PARK7: variants seen among roughly 807,000 people sequenced by gnomAD.
PARK7 encodes the protein Parkinson disease protein 7.
Under a neutral mutation model 20.5 loss-of-function variants are expected in PARK7, and 14 were observed. The ratio of observed to expected loss-of-function variants is 0.68; its 90% CI spans 0.45 to 1.07. The LOEUF (loss-of-function observed/expected upper bound fraction) is 1.07. Among genes scored for constraint, PARK7 ranks in the 50% least tolerant of loss-of-function variants. The pLI is 0.00. For synonymous variants in PARK7, 98 were observed against 84.3 expected, an observed-to-expected ratio of 1.16 and a Z score of -0.89; for missense variants, 234 against 238.1, an observed-to-expected ratio of 0.98 and a Z score of 0.11.
At chr1:7,974,946 C>T (rs1393622852) in intron 5 of PARK7, among the ~76,000 whole-genome samples, 1 of 151,264 alleles carries the variant, frequency 6.6e-6, no homozygotes, top group East Asian at 2.0e-4. Context: ...ACCTCCACCT[C>T]CCAGGTTCAA....
chr1:7,982,670 A>T (rs918178526), intron 6 of PARK7, among the ~76,000 whole-genome samples: 6 of 152,142 alleles, frequency 3.9e-5, no homozygotes, highest in Admixed American at 3.3e-4. Context: ...TGTGCATCTC[A>T]CTGTCGCTCT....
At chr1:7,969,115 C>G in intron 3 of PARK7, 1 of 502,006 alleles carries the variant, frequency 2.0e-6, no homozygotes, top group South Asian at 2.5e-5. Flanking sequence ...TGCTACTCTG[C>G]AGCGTGGACA....
intron 5 of PARK7, among the ~76,000 whole-genome samples, chr1:7,977,450 T>C (rs1166714006): frequency 6.6e-6 from 1 of 152,198 alleles, no homozygotes; most frequent in African/African-American, 2.4e-5. Flanking sequence ...AATACTTTGC[T>C]GTTGCAGTTT....
intron 1 of PARK7, among the ~76,000 whole-genome samples, chr1:7,962,280 G>A (rs1449679359): frequency 6.6e-6 from 1 of 152,038 alleles, no homozygotes; most frequent in Non-Finnish European, 1.5e-5. Context: ...CAATTTTTTA[G>A]TACAGTTATA....
At chr1:7,982,178 G>A (rs1164022964) in intron 6 of PARK7, among the ~76,000 whole-genome samples, 1 of 150,174 alleles carries the variant, frequency 6.7e-6, no homozygotes, top group East Asian at 1.9e-4. Flanking sequence ...GTAGAGGCGG[G>A]GTTTCACCAT....
At chr1:7,981,909 C>T (rs1161337752) in intron 6 of PARK7, among the ~76,000 whole-genome samples, 5 of 150,226 alleles carry the variant, frequency 3.3e-5, no homozygotes, top group Admixed American at 1.3e-4. Flanking sequence ...CTGCCCTCCT[C>T]GGCTTCCCCA....
chr1:7,985,218 C>A lies in PARK7; in HGVS notation c.*164C>A. Reference sequence around the variant, plus strand: ...CACAACTACACAGAGATTTCTCAGCCTACAAATTGTGTCTATACATTTCTA... The same window carrying A: ...CACAACTACACAGAGATTTCTCAGCATACAAATTGTGTCTATACATTTCTA... On this transcript the variant is annotated 3_prime_UTR_variant, in exon 7 of 7. Coordinates refer to ENST00000338639, the MANE Select transcript of PARK7 (RefSeq NM_007262.5). 1 of 938,444 alleles carries A rather than the reference C, an allele frequency of 1.1e-6. No individual in the cohort carries two copies. The highest frequency in any genetic ancestry group is 1.6e-6 in the Non-Finnish European group (1 of 611,874). 58.1% of individuals were successfully genotyped at this position (938,444 alleles called of 1,614,324 possible).
Position 7,984,869 on chromosome 1 carries a change from C to A in PARK7, c.410-25C>A. The A allele has an allele frequency of 6.2e-7, 1 of 1,613,800 alleles. No homozygotes were observed. The highest frequency in any genetic ancestry group is 1.1e-5 in the South Asian group (1 of 91,048). On this transcript the variant is annotated intron_variant, in intron 6 of 6. Transcript: ENST00000338639. This position sits in a 1 kb window ranked among gnomAD's most constrained non-coding sequence, Gnocchi z 4.3. ...CTCGTCACATAGCCCATTAGGATGT[C>A]ACCTTTTCTGTTTCTACTTTGCAGG...
At chr1:7,963,070 C>G (rs1178061020) in intron 2 of PARK7, among the ~76,000 whole-genome samples, 195 bp downstream of exon 2, 3 of 152,138 alleles carry the variant, frequency 2.0e-5, no homozygotes, top group Non-Finnish European at 4.4e-5. Context: ...ATATTTCCTT[C>G]AGACCCATTT....
Position 7,981,880 on chromosome 1 carries a change from G to C in PARK7, c.410-3014G>C, listed in dbSNP as rs904461977. Among the ~76,000 whole-genome samples, 4 of 150,666 alleles carry C rather than the reference G, an allele frequency of 2.7e-5. No homozygotes were observed. The Admixed American group carries it at 2.7e-4, about 10-fold the overall frequency. ...TCATCGTGTTAGCCAGGATGGTCTC[G>C]ATCTCCTGACCTTGTGATCTGCCCT... is the stretch of plus-strand genomic sequence containing the variant. On this transcript the variant is annotated intron_variant, in intron 6 of 6. Coordinates refer to ENST00000338639, the MANE Select transcript of PARK7 (RefSeq NM_007262.5).
In PARK7 at chr1:7,965,442, T is replaced by C. The variant is rs1356075090; in HGVS notation, c.192+17T>C. On this transcript the variant is annotated intron_variant, in intron 3 of 6. Transcript: ENST00000338639. ...AAAAAAGAGGTTTGTAATCCATACATGGAGTTATTCCTTCATATGGCTTCT... is the reference window on the plus strand; with the variant it reads ...AAAAAAGAGGTTTGTAATCCATACACGGAGTTATTCCTTCATATGGCTTCT... The C allele has an allele frequency of 3.1e-6, 5 of 1,601,744 alleles. No homozygotes were observed. Among genetic ancestry groups the C allele is most frequent in the African/African-American group, 2.7e-5 (2 of 74,702 alleles).
chr1:7,970,949 C>T lies in PARK7; in HGVS notation c.308C>T (p.Ala103Val). The change falls in exon 5 of 7, where the codon GCC (alanine) becomes GTC (valine). Residue 103 changes from alanine (A) to valine (V), a missense_variant. Physicochemically the swap from Ala to Val is moderately conservative, Grantham distance 64 (BLOSUM62 0). Coordinates refer to ENST00000338639, the MANE Select transcript of PARK7 (RefSeq NM_007262.5). ...CAGGAAAACCGGAAGGGCCTGATAG[C>T]CGCCATCTGTGCAGGTGACGTGCAG... ...KEQENRKGLI[A>V]AICAGPTALL... is the part of the protein sequence containing the mutation. 6.2e-7 allele frequency: 1 copy of T among 1,614,188 alleles called. No homozygotes were observed. The highest frequency in any genetic ancestry group is 8.5e-7 in the Non-Finnish European group (1 of 1,180,044).
intron 3 of PARK7, among the ~76,000 whole-genome samples, chr1:7,968,017 A>G (rs992222090): frequency 6.6e-6 from 1 of 152,096 alleles, no homozygotes; most frequent in African/African-American, 2.4e-5. Flanking sequence ...TTAAAGTACT[A>G]AAGTATTGTT....
intron 6 of PARK7, among the ~76,000 whole-genome samples, chr1:7,979,694 G>C (rs533513543): frequency 6.6e-6 from 1 of 152,150 alleles, no homozygotes; most frequent in South Asian, 2.1e-4. Flanking sequence ...TAGAGACAGG[G>C]TCTAACCATA....
chr1:7,983,344 A>G (rs1206397530), intron 6 of PARK7, among the ~76,000 whole-genome samples: 1 of 152,220 alleles, frequency 6.6e-6, no homozygotes, highest in Non-Finnish European at 1.5e-5. Context: ...CCCCTCCGCT[A>G]AATCTGTTCT....
chr1:7,973,907 CAAA>C (rs781083944), intron 5 of PARK7, among the ~76,000 whole-genome samples: 5 of 74,306 alleles, frequency 6.7e-5, no homozygotes. Flanking sequence ...GACTTCGTTT[CAAA>C]AAAAAAAAAA....
At chr1:7,966,676 A>G (rs1038079422) in intron 3 of PARK7, among the ~76,000 whole-genome samples, 1 of 152,156 alleles carries the variant, frequency 6.6e-6, no homozygotes, top group African/African-American at 2.4e-5. Flanking sequence ...TGATTGTGCC[A>G]TTGCCCTTCA....
Position 7,977,708 on chromosome 1 carries a change from C to G in PARK7, c.379C>G (p.Pro127Ala), listed in dbSNP as rs373618614. 2.5e-6 allele frequency: 4 copies of G among 1,613,936 alleles called. No individual in the cohort carries two copies. The African/African-American group carries it at 5.3e-5, about 22-fold the overall frequency. ...TTTTGGAAGTAAAGTTACAACACAC[C>G]CTCTTGCTAAAGACAAAATGATGAA... The part of the protein sequence containing the change: ...IGFGSKVTTH[P>A]LAKDKMMNGG... Residue 127 changes from proline to alanine, a missense_variant, in exon 6 of 7, where the codon CCT (proline) becomes GCT (alanine). Physicochemically the swap from Pro to Ala is conservative, Grantham distance 27. Coordinates refer to ENST00000338639, the MANE Select transcript of PARK7 (RefSeq NM_007262.5).
At chr1:7,974,929 C>T (rs1640546449) in intron 5 of PARK7, among the ~76,000 whole-genome samples, 1 of 148,920 alleles carries the variant, frequency 6.7e-6, no homozygotes, top group Non-Finnish European at 1.5e-5. Context: ...AATTTCGGCT[C>T]ACTGCAACCT....
Sources: allele counts gnomAD v4.1 joint callset (sites outside exome capture counted in the v4.1 genomes callset), GRCh38; gene constraint gnomAD v4.1.1; non-coding constraint Gnocchi (gnomAD v3.1); transcripts MANE v1.5; gene names NCBI Gene and HGNC (gene_info 2026-07-23, HGNC 2026-07-21).